Variants in ATE1 observed in about 807,000 individuals in gnomAD.
The protein encoded by ATE1 is arginyl-tRNA--protein transferase 1.
In ATE1, 36 loss-of-function variants were observed where a neutral mutation model predicts 70.5. The observed-to-expected ratio is 0.51, with a 90% CI of 0.39 to 0.67. ATE1 has a LOEUF of 0.67. ATE1 is among the 30% of genes least tolerant of loss of function. The probability of loss-of-function intolerance (pLI) is 0.00; values close to 1 mark genes in which losing one functional copy is unlikely to be tolerated. For synonymous variants in ATE1, 232 were observed against 219.3 expected, an observed-to-expected ratio of 1.06 and a Z score of -0.51; for missense variants, 593 against 629.5, an observed-to-expected ratio of 0.94 and a Z score of 0.62.
chr10:121,923,882 GA>G (rs1338731484), intron 2 of ATE1, among the ~76,000 whole-genome samples: 3 of 151,848 alleles, frequency 2.0e-5, no homozygotes, highest in Admixed American at 6.6e-5. Flanking sequence ...AAGTTAAAAA[GA>G]AAAAAAGACC....
intron 10 of ATE1, among the ~76,000 whole-genome samples, chr10:121,822,442 T>C (rs566255995): frequency 8.5e-5 from 13 of 152,316 alleles, no homozygotes; most frequent in African/African-American, 3.1e-4. Context: ...TTCTGTTTCT[T>C]GTTTTGGGTG....
At chr10:121,812,406 A>G (rs531072283) in intron 10 of ATE1, among the ~76,000 whole-genome samples, 3 of 152,138 alleles carry the variant, frequency 2.0e-5, no homozygotes, top group Admixed American at 6.5e-5. Context: ...AAATGGCAAC[A>G]AAGGGAGAAA....
At chr10:121,788,026 T>C (rs1474657887) in intron 11 of ATE1, among the ~76,000 whole-genome samples, 2 of 152,234 alleles carry the variant, frequency 1.3e-5, no homozygotes, top group East Asian at 3.8e-4. Context: ...ATGCAACTTA[T>C]ACAGAAACAG....
chr10:121,814,514 T>C (rs973484971), intron 10 of ATE1, among the ~76,000 whole-genome samples: 8 of 152,204 alleles, frequency 5.3e-5, no homozygotes, highest in African/African-American at 1.9e-4. Flanking sequence ...ATATCCAAGA[T>C]ACACATGACT....
chr10:121,874,414 T>G (rs537442868), intron 7 of ATE1, among the ~76,000 whole-genome samples: 62 of 152,220 alleles, frequency 4.1e-4, no homozygotes, highest in Non-Finnish European at 8.1e-4. Context: ...CATATTTCAT[T>G]GCAGACAAAT....
intron 7 of ATE1, among the ~76,000 whole-genome samples, chr10:121,874,677 G>A (rs1375837687): frequency 6.6e-6 from 1 of 152,096 alleles, no homozygotes; most frequent in Non-Finnish European, 1.5e-5. Flanking sequence ...GATTACATTT[G>A]GCACCTTAGA....
chr10:121,885,585 A>AAC (rs11372897), intron 7 of ATE1, among the ~76,000 whole-genome samples: 16 of 151,042 alleles, frequency 1.1e-4, no homozygotes, highest in Admixed American at 6.6e-4. Context: ...AAAAAAAAAA[A>AAC]ACATGCCTAA....
intron 10 of ATE1, among the ~76,000 whole-genome samples, chr10:121,807,200 T>C (rs1947131274): frequency 6.6e-6 from 1 of 152,226 alleles, no homozygotes; most frequent in Non-Finnish European, 1.5e-5. Context: ...CTTTTAGCAA[T>C]ACTTCAAAGC....
intron 8 of ATE1, among the ~76,000 whole-genome samples, chr10:121,853,280 C>T (rs1284397280): frequency 6.8e-6 from 1 of 146,950 alleles, no homozygotes; most frequent in Non-Finnish European, 1.5e-5. Flanking sequence ...AGGAGAATGG[C>T]GTGAACCCAG....
At chr10:121,836,638 C>A (rs1948443088) in intron 10 of ATE1, 80 bp downstream of exon 10, 11 of 882,548 alleles carry the variant, frequency 1.2e-5, no homozygotes, top group Non-Finnish European at 1.9e-5. Flanking sequence ...AAGCTTCAAA[C>A]CCAGTGCCCT....
intron 11 of ATE1, among the ~76,000 whole-genome samples, chr10:121,780,469 G>T (rs1416609938): frequency 6.6e-6 from 1 of 152,074 alleles, no homozygotes; most frequent in Non-Finnish European, 1.5e-5. Context: ...TCAGATTACT[G>T]CATGCAAACC....
intron 11 of ATE1, among the ~76,000 whole-genome samples, chr10:121,779,439 T>C (rs1945886264): frequency 6.6e-6 from 1 of 152,182 alleles, no homozygotes; most frequent in South Asian, 2.1e-4. Context: ...AGAAAAGGCA[T>C]CAAGTGAGAA....
intron 11 of ATE1, among the ~76,000 whole-genome samples, chr10:121,781,225 T>C (rs1945974570): frequency 6.6e-6 from 1 of 152,096 alleles, no homozygotes; most frequent in Non-Finnish European, 1.5e-5. Context: ...TTCATCCCCT[T>C]AGCCTCACTT....
chr10:121,743,704 C>T lies in ATE1; in HGVS notation c.1533G>A (p.Glu511=). ...GTCAGTTTCTGAACAGCAGCATCCG[C>T]TCGGAGCACTTCTGCCCCACCAGGC... The part of the protein sequence containing the change: ...YASLVGQKCS[E]RMLLFRN Residue 511 remains glutamate (E), a synonymous_variant, in exon 12 of 12, where the codon GAG becomes GAA. Transcript: ENST00000224652. The T allele has an allele frequency of 6.2e-7, 1 of 1,612,710 alleles. No homozygotes were observed. Among genetic ancestry groups the T allele is most frequent in the Non-Finnish European group, 8.5e-7 (1 of 1,179,548 alleles).
Position 121,911,002 on chromosome 10 carries a change from G to C in ATE1, c.487C>G (p.Pro163Ala). ...SEGKNSKKEE[P>A]QELLQSQDFV... is the part of the protein sequence containing the mutation. ...TCTTGTGACTGAAGTAATTCCTGAGGTTCTTCTTTCTTTGAATTTTTTCCT... is the reference window on the plus strand; with the variant it reads ...TCTTGTGACTGAAGTAATTCCTGAGCTTCTTCTTTCTTTGAATTTTTTCCT... Residue 163 changes from proline (P) to alanine (A), a missense_variant, in exon 5 of 12, where the codon CCT (proline) becomes GCT (alanine). Around this residue, in one of 3 missense-constraint regions of ATE1, gnomAD observed 467 missense variants for 469.6 expected, o/e 0.99. Transcript: ENST00000224652. The C allele has an allele frequency of 6.2e-7, 1 of 1,613,910 alleles. No individual in the cohort carries two copies. The highest frequency in any genetic ancestry group is 8.5e-7 in the Non-Finnish European group (1 of 1,179,978).
intron 11 of ATE1, among the ~76,000 whole-genome samples, chr10:121,751,410 C>T (rs1944573680): frequency 6.6e-6 from 1 of 152,222 alleles, no homozygotes; most frequent in Admixed American, 6.5e-5. Flanking sequence ...CAAGTGGCCG[C>T]CTCATTTGAC....
chr10:121,908,438 A>G (rs544400248), intron 5 of ATE1, among the ~76,000 whole-genome samples: 1 of 152,288 alleles, frequency 6.6e-6, no homozygotes, highest in South Asian at 2.1e-4. Context: ...CCGGAGGTGG[A>G]GTCTGCAGTG....
chr10:121,744,559 A>T (rs1346780508), intron 11 of ATE1, among the ~76,000 whole-genome samples: 3 of 152,150 alleles, frequency 2.0e-5, no homozygotes, highest in Non-Finnish European at 2.9e-5. Flanking sequence ...TATTATCTGA[A>T]GTTTTAATCT....
At chr10:121,773,318 G>C (rs979069860) in intron 11 of ATE1, among the ~76,000 whole-genome samples, 3 of 152,134 alleles carry the variant, frequency 2.0e-5, no homozygotes, top group Admixed American at 2.0e-4. Flanking sequence ...ATATTAAAAC[G>C]CTCTTCTTGT....
Sources: gnomAD v4.1 joint callset for allele counts (sites outside exome capture counted in the v4.1 genomes callset) on GRCh38, gnomAD v4.1.1 for gene constraint, gnomAD v4.1.1 regional missense constraint, MANE v1.5 for transcripts, NCBI Gene and HGNC (gene_info 2026-07-23, HGNC 2026-07-21) for gene names.